HYAL4: variants seen among roughly 807,000 people sequenced by gnomAD.
HYAL4 encodes hyaluronidase 4.
A neutral mutation model predicts 35.2 loss-of-function variants in HYAL4; 37 were observed. That is an observed-to-expected ratio of 1.05 (90% CI 0.81 to 1.38). HYAL4 has a LOEUF of 1.38. HYAL4 is among the 40% of genes most tolerant of loss of function. HYAL4 has a pLI of 0.00. For synonymous variants in HYAL4, 198 were observed against 203.2 expected (o/e 0.97, Z 0.22); for missense variants, 572 against 572.4 (o/e 1.00, Z 0.01).
At chr7:123,858,936 C>T (rs149960211) in intron 2 of HYAL4, among the ~76,000 whole-genome samples, 289 of 151,824 alleles carry the variant, frequency 1.9e-3, no homozygotes, top group African/African-American at 5.7e-3. Context: ...GGTAGTTGGA[C>T]GTAATTCAAA....
intron 2 of HYAL4, among the ~76,000 whole-genome samples, chr7:123,863,343 A>G (rs943694670): frequency 2.0e-5 from 3 of 151,454 alleles, no homozygotes; most frequent in Admixed American, 1.3e-4. Context: ...TGCCTTCATC[A>G]TACAATGTCA....
At chr7:123,823,093 T>C in the HYAL4 span, among the ~76,000 whole-genome samples, 1 of 152,234 alleles carries the variant, frequency 6.6e-6, no homozygotes, top group Admixed American at 6.5e-5. Context: ...GGGCTTGTCA[T>C]ATGTGGCCTT....
intron 1 of HYAL4, among the ~76,000 whole-genome samples, chr7:123,837,342 C>T (rs1388495431): frequency 6.6e-6 from 1 of 152,094 alleles, no homozygotes; most frequent in African/African-American, 2.4e-5. Context: ...AAGATTCTTT[C>T]CTGCATCAAA....
At chr7:123,769,192 T>C in the HYAL4 span, among the ~76,000 whole-genome samples, 1 of 152,220 alleles carries the variant, frequency 6.6e-6, no homozygotes, top group African/African-American at 2.4e-5. Context: ...TTTACCTTTC[T>C]AATTGTGTCA....
chr7:123,784,934 G>A, the HYAL4 span, among the ~76,000 whole-genome samples: 3 of 152,200 alleles, frequency 2.0e-5, no homozygotes, highest in Non-Finnish European at 2.9e-5. Flanking sequence ...TCCTGCTACT[G>A]TGTTAGGGAG....
the HYAL4 span, among the ~76,000 whole-genome samples, chr7:123,779,789 C>T: frequency 6.6e-6 from 1 of 152,060 alleles, no homozygotes; most frequent in African/African-American, 2.4e-5. Flanking sequence ...CTTGGATTTA[C>T]ATAGTACCTT....
At chr7:123,813,899 A>G in the HYAL4 span, among the ~76,000 whole-genome samples, 22 of 152,328 alleles carry the variant, frequency 1.4e-4, no homozygotes, top group East Asian at 7.7e-4. Context: ...CAGAATGGCT[A>G]GCAGCTAGAG....
chr7:123,857,653 G>GTTTCTTTCTTTGTTTGTTTGTTTC (rs1806473259), intron 2 of HYAL4, among the ~76,000 whole-genome samples: 2 of 146,964 alleles, frequency 1.4e-5, no homozygotes, highest in Non-Finnish European at 3.0e-5. Context: ...GCCTTTCTTT[G>GTTTCTTTCTTTGTTTGTTTGTTTC]TTTCTTTCTT....
chr7:123,765,738 G>A, the HYAL4 span, among the ~76,000 whole-genome samples: 3 of 152,088 alleles, frequency 2.0e-5, no homozygotes, highest in African/African-American at 7.2e-5. Flanking sequence ...TACCAACACA[G>A]TGCATCTCTT....
intron 2 of HYAL4, among the ~76,000 whole-genome samples, chr7:123,866,436 G>A (rs1048693718): frequency 6.6e-6 from 1 of 152,174 alleles, no homozygotes; most frequent in Non-Finnish European, 1.5e-5. Flanking sequence ...TGCAAGGAAG[G>A]CTGGGACATT....
Position 123,868,490 on chromosome 7 carries a change from C to T in HYAL4, c.217C>T (p.Pro73Ser). Reference sequence around the variant, plus strand: ...TTTAAGACTAAATTTGAAAATGTTTCCTGTGATTGGAAGCCCACTGGCCAA... The same window carrying T: ...TTTAAGACTAAATTTGAAAATGTTTTCTGTGATTGGAAGCCCACTGGCCAA... The part of the protein sequence containing the change: ...YNLRLNLKMF[P>S]VIGSPLAKAR... The change falls in exon 3 of 5, where the codon CCT becomes TCT. Residue 73 changes from proline to serine, a missense_variant. By Grantham distance (74) the Pro-to-Ser change is moderately conservative (BLOSUM62 -1). Coordinates refer to ENST00000223026, the MANE Select transcript of HYAL4 (RefSeq NM_012269.3). The T allele has an allele frequency of 6.2e-7, 1 of 1,604,776 alleles. No homozygotes were observed. Among genetic ancestry groups the T allele is most frequent in the Non-Finnish European group, 8.5e-7 (1 of 1,177,718 alleles).
chr7:123,819,785 G>A, the HYAL4 span, among the ~76,000 whole-genome samples: 1 of 151,850 alleles, frequency 6.6e-6, no homozygotes, highest in African/African-American at 2.4e-5. Context: ...TAGATTAAAT[G>A]GCATAATATA....
chr7:123,776,181 C>T, the HYAL4 span, among the ~76,000 whole-genome samples: 2 of 152,176 alleles, frequency 1.3e-5, no homozygotes, highest in African/African-American at 4.8e-5. Flanking sequence ...TGGGACTCAG[C>T]ATGACTGGGT....
At chr7:123,871,912 A>G (rs1179987038) in intron 3 of HYAL4, among the ~76,000 whole-genome samples, 1 of 152,264 alleles carries the variant, frequency 6.6e-6, no homozygotes, top group Non-Finnish European at 1.5e-5. Context: ...GTCAAACCTC[A>G]TTTCAGACAG....
the HYAL4 span, among the ~76,000 whole-genome samples, chr7:123,805,092 G>A: frequency 6.6e-6 from 1 of 152,136 alleles, no homozygotes; most frequent in Non-Finnish European, 1.5e-5. Flanking sequence ...GGGTGAAAAA[G>A]TTGTAAGTCC....
At chr7:123,798,169 C>G in the HYAL4 span, among the ~76,000 whole-genome samples, 1 of 152,132 alleles carries the variant, frequency 6.6e-6, no homozygotes, top group Non-Finnish European at 1.5e-5. Flanking sequence ...AATTGGACAC[C>G]TGTCAGCGGT....
At chr7:123,842,907 G>C (rs1038630765), upstream of HYAL4, among the ~76,000 whole-genome samples, 1 of 151,838 alleles carries the variant, frequency 6.6e-6, no homozygotes, top group Non-Finnish European at 1.5e-5. Flanking sequence ...CACGTGAGAT[G>C]GGTCTCCTGA....
chr7:123,852,781 A>G (rs1022500231), intron 2 of HYAL4, among the ~76,000 whole-genome samples: 18 of 152,098 alleles, frequency 1.2e-4, no homozygotes, highest in African/African-American at 3.9e-4. Context: ...AAGAAAGTCA[A>G]TAGTAACTTG....
rs188789475 is a variant in HYAL4, at chr7:123,868,798, A to T, written c.525A>T (p.Gly175=). Residue 175 remains glycine, a synonymous_variant, in exon 3 of 5, where the codon GGA becomes GGT. Transcript: ENST00000223026. ...QKSRKLISDM[G]KNVSATDIEY... ...CAAGAAAGCTTATTTCCGATATGGG[A>T]AAGAATGTATCAGCTACCGATATTG... 3.1e-6 allele frequency: 5 copies of T among 1,614,250 alleles called. No homozygotes were observed. Among genetic ancestry groups the T allele is most frequent in the Admixed American group, 3.3e-5 (2 of 60,032 alleles).
Sources: gnomAD v4.1 joint callset for allele counts (sites outside exome capture counted in the v4.1 genomes callset) on GRCh38, gnomAD v4.1.1 for gene constraint, MANE v1.5 for transcripts, NCBI Gene and HGNC (gene_info 2026-07-23, HGNC 2026-07-21) for gene names.